Variants in DLGAP2 observed in about 807,000 individuals in gnomAD.
DLGAP2 encodes disks large-associated protein 2.
Under a neutral mutation model 100.3 loss-of-function variants are expected in DLGAP2, and 26 were observed. That is an observed-to-expected ratio of 0.26 (90% confidence interval 0.19 to 0.36). The LOEUF is 0.36. DLGAP2 is among the 10% of genes least tolerant of loss of function. The pLI is 1.00. For missense variants in DLGAP2, 1,858 were observed against 1,453.2 expected (o/e 1.28, Z -4.53); for synonymous variants, 886 against 630.1 (o/e 1.41, Z -6.08).
intron 1 of DLGAP2, among the ~76,000 whole-genome samples, chr8:763,136 A>G (rs1402336249): frequency 6.6e-6 from 1 of 151,924 alleles, no homozygotes; most frequent in Admixed American, 6.6e-5. Flanking sequence ...TTAGGAGTGC[A>G]GGGACGAAGC....
At chr8:1,201,879 G>T (rs917824914) in intron 2 of DLGAP2, among the ~76,000 whole-genome samples, 5 of 152,270 alleles carry the variant, frequency 3.3e-5, no homozygotes, top group African/African-American at 1.2e-4. Flanking sequence ...TGGTGTGTGT[G>T]TAAGCATGTG....
chr8:1,633,191 C>A, intron 8 of DLGAP2, 145 bp downstream of exon 8: 1 of 730,032 alleles, frequency 1.4e-6, no homozygotes, highest in Non-Finnish European at 2.2e-6. Context: ...ATGTGTTACA[C>A]TGTCACATTC....
intron 3 of DLGAP2, among the ~76,000 whole-genome samples, chr8:1,308,094 A>T (rs1800533323): frequency 6.6e-6 from 1 of 152,230 alleles, no homozygotes; most frequent in Non-Finnish European, 1.5e-5. Flanking sequence ...GCGTGTTCAG[A>T]AAAGGCCTAG....
At chr8:811,717 C>G (rs1324689562) in intron 1 of DLGAP2, among the ~76,000 whole-genome samples, 1 of 150,760 alleles carries the variant, frequency 6.6e-6, no homozygotes, top group Non-Finnish European at 1.5e-5. Context: ...AAGCTCCCAT[C>G]ATCCTTGGAA....
At chr8:889,695 A>G (rs898856805) in intron 1 of DLGAP2, among the ~76,000 whole-genome samples, 2 of 152,164 alleles carry the variant, frequency 1.3e-5, no homozygotes, top group Non-Finnish European at 2.9e-5. Flanking sequence ...GGAGTTTAGC[A>G]TGTTAGGCCA....
At chr8:1,078,891 A>T (rs1398160152) in intron 2 of DLGAP2, among the ~76,000 whole-genome samples, 2 of 152,188 alleles carry the variant, frequency 1.3e-5, no homozygotes, top group Admixed American at 6.5e-5. Context: ...TTGTATGGAG[A>T]TGTTTTCAAC....
intron 3 of DLGAP2, among the ~76,000 whole-genome samples, chr8:1,298,899 G>A (rs138581598): frequency 6.6e-6 from 1 of 151,934 alleles, no homozygotes; most frequent in Non-Finnish European, 1.5e-5. Context: ...AGGCAGGAAC[G>A]GGGGGAGAAC....
chr8:1,045,999 T>C (rs920053988), intron 2 of DLGAP2, among the ~76,000 whole-genome samples: 1 of 151,988 alleles, frequency 6.6e-6, no homozygotes, highest in Admixed American at 6.6e-5. Context: ...TTTTAATTAG[T>C]GAGAGGGGGA....
At chr8:921,705 C>A (rs1176442423) in intron 2 of DLGAP2, among the ~76,000 whole-genome samples, 1 of 152,258 alleles carries the variant, frequency 6.6e-6, no homozygotes, top group Non-Finnish European at 1.5e-5. Flanking sequence ...CATCCTCCAC[C>A]CAGGTGGCTG....
intron 2 of DLGAP2, among the ~76,000 whole-genome samples, chr8:1,075,529 A>T (rs1381316724): frequency 6.6e-6 from 1 of 152,026 alleles, no homozygotes; most frequent in African/African-American, 2.4e-5. Flanking sequence ...TGCAGGGGAG[A>T]TGGGACAGAA....
At chr8:1,352,970 C>A (rs1801770040) in intron 3 of DLGAP2, among the ~76,000 whole-genome samples, 2 of 152,160 alleles carry the variant, frequency 1.3e-5, no homozygotes, top group South Asian at 2.1e-4. Flanking sequence ...TGAGTCCATA[C>A]CCATGTGTAG....
At chr8:1,321,341 T>C (rs1254947448) in intron 3 of DLGAP2, among the ~76,000 whole-genome samples, 1 of 151,950 alleles carries the variant, frequency 6.6e-6, no homozygotes, top group East Asian at 1.9e-4. Flanking sequence ...TGTGTGTCTC[T>C]GCATGTGCTT....
At chr8:1,386,422 G>A (rs1477005170) in intron 3 of DLGAP2, among the ~76,000 whole-genome samples, 2 of 152,170 alleles carry the variant, frequency 1.3e-5, no homozygotes, top group South Asian at 4.1e-4. Flanking sequence ...AAGACAGATC[G>A]AGAAACCAGA....
At chr8:1,698,538 G>T (rs1799469284) in intron 14 of DLGAP2, among the ~76,000 whole-genome samples, 1 of 147,830 alleles carries the variant, frequency 6.8e-6, no homozygotes, top group South Asian at 2.1e-4. Context: ...TGTAAGCCAT[G>T]CATGGGACTA....
chr8:1,301,444 T>A (rs1171360107), intron 3 of DLGAP2: 2 of 114,792 alleles, frequency 1.7e-5, no homozygotes, highest in Non-Finnish European at 3.4e-5. Context: ...CAACCTCCAC[T>A]TTTTTTTTTT....
intron 2 of DLGAP2, among the ~76,000 whole-genome samples, chr8:944,700 G>A (rs184124646): frequency 2.2e-3 from 332 of 151,692 alleles, no homozygotes; most frequent in Admixed American, 3.1e-3. Context: ...GGTTGGTAAC[G>A]ACTTTGTGCA....
At chr8:971,778 T>G (rs185631378) in intron 2 of DLGAP2, among the ~76,000 whole-genome samples, 3 of 152,268 alleles carry the variant, frequency 2.0e-5, no homozygotes, top group South Asian at 2.1e-4. Flanking sequence ...CCTCACAGAC[T>G]TGGGTTTTAT....
At chr8:1,429,900 AC>A (rs1222441359) in intron 3 of DLGAP2, among the ~76,000 whole-genome samples, 1 of 149,302 alleles carries the variant, frequency 6.7e-6, no homozygotes, top group Admixed American at 6.7e-5. Context: ...GATGCTCAGA[AC>A]CCATTTTACC....
chr8:1,202,387 G>T (rs528270199), intron 2 of DLGAP2, among the ~76,000 whole-genome samples: 3 of 152,046 alleles, frequency 2.0e-5, no homozygotes, highest in Non-Finnish European at 2.9e-5. Flanking sequence ...TGCAGTGGAC[G>T]TCCATGCTGT....
Sources: gnomAD v4.1 joint callset for allele counts (sites outside exome capture counted in the v4.1 genomes callset) on GRCh38, gnomAD v4.1.1 for gene constraint, MANE v1.5 for transcripts, NCBI Gene and HGNC (gene_info 2026-07-23, HGNC 2026-07-21) for gene names.